SGPL1: variants seen among roughly 807,000 people sequenced by gnomAD.
SGPL1 encodes the protein sphingosine-1-phosphate lyase 1, also known as SP-lyase 1.
Under a neutral mutation model 68.9 loss-of-function variants are expected in SGPL1, and 37 were observed. That is an observed-to-expected ratio of 0.54 (90% CI 0.41 to 0.71). The LOEUF (loss-of-function observed/expected upper bound fraction) is 0.71. SGPL1 is among the 30% of genes least tolerant of loss of function. The pLI is 0.00. For synonymous variants in SGPL1, 236 were observed against 248.5 expected (o/e 0.95, Z 0.47); for missense variants, 551 against 704.6 (o/e 0.78, Z 2.47).
At chr10:70,849,382 G>T (rs1189174984) in intron 3 of SGPL1, among the ~76,000 whole-genome samples, 1 of 152,216 alleles carries the variant, frequency 6.6e-6, no homozygotes. Flanking sequence ...TATCAGTGAG[G>T]AGGATACAGT....
chr10:70,861,331 A>T (rs1299872539), intron 7 of SGPL1, among the ~76,000 whole-genome samples: 1 of 152,234 alleles, frequency 6.6e-6, no homozygotes, highest in Admixed American at 6.5e-5. Flanking sequence ...GCAGCCAGAG[A>T]AAATAGATTA....
chr10:70,830,052 T>G (rs142387623), intron 2 of SGPL1, among the ~76,000 whole-genome samples: 2 of 152,324 alleles, frequency 1.3e-5, no homozygotes, highest in African/African-American at 4.8e-5. Context: ...GGAGTTGCAA[T>G]TTCTGCTGTC....
intron 13 of SGPL1, 62 bp downstream of exon 13, chr10:70,875,610 T>C (rs2131950910): frequency 7.4e-7 from 1 of 1,355,496 alleles, no homozygotes; most frequent in East Asian, 2.3e-5. Flanking sequence ...ACTTGGGTGG[T>C]ACAGTAACCT....
Position 70,876,527 on chromosome 10 carries a change from CTCT to C in SGPL1, c.1446-9_1446-7del, listed in dbSNP as rs1239325407. 3 of 1,603,546 alleles carry C rather than the reference CTCT, an allele frequency of 1.9e-6. No individual in the cohort carries two copies. The South Asian group carries it at 3.4e-5, about 18-fold the overall frequency. On this transcript the variant is annotated splice_polypyrimidine_tract_variant and intron_variant, in intron 13 of 14. Coordinates refer to ENST00000373202, the MANE Select transcript of SGPL1 (RefSeq NM_003901.4). ...TTCTTCAAGGTTCATCTCTCTCTGT[CTCT>C]TCTTTCCTAGTATTCATTTCTGCAT... is the stretch of plus-strand genomic sequence containing the variant.
intron 10 of SGPL1, 120 bp from the exon 11 acceptor site, chr10:70,871,717 A>G (rs953551821): frequency 1.2e-6 from 1 of 857,082 alleles, no homozygotes. Context: ...TTTTAAAAAC[A>G]TGGGAGGCAT....
chr10:70,875,399 A>C lies in SGPL1; in HGVS notation c.1299-3A>C, dbSNP rs769437472. ...CTTCCTTCATTTATTTTTTTGTTTT[A>C]AGACTGGAAAATATCAAAGGCATCT... is the stretch of plus-strand genomic sequence containing the variant. On this transcript the variant is annotated splice_region_variant and splice_polypyrimidine_tract_variant and intron_variant, in intron 12 of 14. Coordinates refer to ENST00000373202, the MANE Select transcript of SGPL1 (RefSeq NM_003901.4). 4.4e-6 allele frequency: 7 copies of C among 1,598,060 alleles called. 1 individual carries two copies. In the South Asian group the frequency reaches 7.7e-5, roughly 18 times the overall value.
At chr10:70,846,289 T>C (rs1845791144) in intron 3 of SGPL1, among the ~76,000 whole-genome samples, 1 of 152,172 alleles carries the variant, frequency 6.6e-6, no homozygotes, top group African/African-American at 2.4e-5. Context: ...GCTTATTCCT[T>C]TCCTAGGAAG....
chr10:70,825,193 T>C (rs909891650), intron 2 of SGPL1, among the ~76,000 whole-genome samples: 33 of 152,242 alleles, frequency 2.2e-4, no homozygotes, highest in African/African-American at 7.5e-4. Flanking sequence ...CCTGTAGGAA[T>C]GCCAGCCAGT....
chr10:70,866,937 T>C (rs927285171), intron 7 of SGPL1, among the ~76,000 whole-genome samples: 3 of 152,174 alleles, frequency 2.0e-5, no homozygotes, highest in Non-Finnish European at 4.4e-5. Flanking sequence ...CAGTGGTCAC[T>C]TTCTCTGATT....
At chr10:70,860,376 T>C (rs914578968) in intron 7 of SGPL1, 1 of 465,036 alleles carries the variant, frequency 2.2e-6, no homozygotes, top group Non-Finnish European at 4.4e-6. Flanking sequence ...TAATTTAGTT[T>C]CTTTTTTTTT....
At chr10:70,861,503 G>A (rs1846053542) in intron 7 of SGPL1, among the ~76,000 whole-genome samples, 1 of 152,164 alleles carries the variant, frequency 6.6e-6, no homozygotes, top group Admixed American at 6.5e-5. Context: ...GCCCTCGCTC[G>A]CTCTCGGCGC....
intron 5 of SGPL1, 55 bp from the exon 6 acceptor site, chr10:70,857,559 C>T: frequency 7.1e-7 from 1 of 1,403,846 alleles, no homozygotes; most frequent in South Asian, 1.2e-5. Flanking sequence ...TTTATCAGAA[C>T]CTGTCTTCCC....
chr10:70,837,682 A>G (rs569107936), intron 2 of SGPL1, among the ~76,000 whole-genome samples: 1 of 152,380 alleles, frequency 6.6e-6, no homozygotes, highest in African/African-American at 2.4e-5. Context: ...GGCATGGTAG[A>G]TAGCTCTGAG....
intron 4 of SGPL1, among the ~76,000 whole-genome samples, chr10:70,853,383 G>A (rs954305787): frequency 3.3e-5 from 5 of 152,154 alleles, no homozygotes; most frequent in African/African-American, 1.2e-4. Flanking sequence ...CAAATATATT[G>A]CTGAAACAAT....
intron 2 of SGPL1, among the ~76,000 whole-genome samples, chr10:70,841,640 C>A (rs905050165): frequency 1.3e-5 from 2 of 152,098 alleles, no homozygotes; most frequent in Non-Finnish European, 2.9e-5. Flanking sequence ...CTTCCTCCTA[C>A]CATCAGCTTG....
intron 9 of SGPL1, among the ~76,000 whole-genome samples, chr10:70,870,558 C>A (rs1386845454): frequency 6.6e-6 from 1 of 151,774 alleles, no homozygotes; most frequent in Admixed American, 6.6e-5. Context: ...TAAATTAATA[C>A]CATTGTCATT....
chr10:70,845,540 A>T (rs1185514442), intron 3 of SGPL1, among the ~76,000 whole-genome samples: 1 of 152,104 alleles, frequency 6.6e-6, no homozygotes, highest in Non-Finnish European at 1.5e-5. Context: ...GCCACTTCTC[A>T]GGGTGCAGAA....
intron 5 of SGPL1, among the ~76,000 whole-genome samples, chr10:70,855,822 T>A (rs1845954384): frequency 6.6e-6 from 1 of 152,204 alleles, no homozygotes; most frequent in East Asian, 1.9e-4. Flanking sequence ...ATAACCATGG[T>A]ACGTTTATCA....
intron 2 of SGPL1, among the ~76,000 whole-genome samples, chr10:70,830,533 C>G (rs1170739966): frequency 6.6e-6 from 1 of 152,126 alleles, no homozygotes; most frequent in Non-Finnish European, 1.5e-5. Context: ...AGGGCTTTTC[C>G]TACAGAATTT....
Sources: gnomAD v4.1 joint callset for allele counts (sites outside exome capture counted in the v4.1 genomes callset) on GRCh38, gnomAD v4.1.1 for gene constraint, MANE v1.5 for transcripts, NCBI Gene and HGNC (gene_info 2026-07-23, HGNC 2026-07-21) for gene names.